The following RPRML variants were observed in gnomAD, a reference collection of about 807,000 sequenced individuals.
RPRML encodes reprimo like, also known as reprimo-like protein.
In RPRML, 4 loss-of-function variants were observed where a neutral mutation model predicts 5.2. The observed-to-expected ratio is 0.77, with a 90% CI of 0.38 to 1.76. RPRML has a LOEUF of 1.76. Ranked by LOEUF, RPRML falls within the 40% of genes most tolerant of loss-of-function variation. RPRML has a pLI of 0.04. For missense variants in RPRML, 181 were observed against 177.7 expected (o/e 1.02, Z -0.11); for synonymous variants, 79 against 89.1 (o/e 0.89, Z 0.64).
At position 46,978,817 on chromosome 17, in the gene RPRML, A is replaced by G; in HGVS notation, c.191T>C (p.Val64Ala). 6.2e-7 allele frequency: 1 copy of G among 1,609,370 alleles called. No homozygotes were observed. Among genetic ancestry groups the G allele is most frequent in the Non-Finnish European group, 8.5e-7 (1 of 1,178,514 alleles). The change falls in exon 1 of 1, where the codon GTG becomes GCG. Residue 64 changes from valine to alanine, a missense_variant. Transcript: ENST00000322329. ...CACGGCGATCTGCGCCACCCGCGAC[A>G]CCCACAGGCTGCGCTCGTCGGGCGC... Reference protein sequence around the residue: ...GLAPDERSLWVSRVAQIAVLC... With the variant: ...GLAPDERSLWASRVAQIAVLC...
In RPRML at chr17:46,978,945, G is replaced by C; in HGVS notation, c.63C>G (p.Ala21=). Residue 21 remains alanine, a synonymous_variant, in exon 1 of 1, where the codon GCC becomes GCG. Transcript: ENST00000322329. ...GGGTGCGGTTTCCCAGGGCGGCCCC[G>C]GCGCCGCCGCCCACGCCGTCCACCT... is the stretch of plus-strand genomic sequence containing the variant. ...LEEVDGVGGG[A]GAALGNRTHG... is the part of the protein sequence containing the mutation. 6.9e-7 allele frequency: 1 copy of C among 1,454,912 alleles called. No homozygotes were observed. Among genetic ancestry groups the C allele is most frequent in the Non-Finnish European group, 9.0e-7 (1 of 1,112,450 alleles). The allele number at this position is 1,454,912 out of a possible 1,614,324, so 90.1% of individuals were successfully genotyped here.
Position 46,979,151 on chromosome 17 carries a change from TGC to T in RPRML, c.-146_-145del. The T allele has an allele frequency of 1.1e-6, 1 of 911,486 alleles. No homozygotes were observed. The highest frequency in any genetic ancestry group is 1.5e-6 in the Non-Finnish European group (1 of 676,552). The allele number at this position is 911,486 out of a possible 1,614,324, so 56.5% of individuals were successfully genotyped here. A position where few individuals can be genotyped will look rare whatever the true frequency, so the allele number is the denominator to read the frequency against. ...GGACGAAGGCGGGAGGCTGGCTGCC[TGC>T]GCGCTCTCGGGCCGCCTACCCCTGG... On this transcript the variant is annotated 5_prime_UTR_variant, in exon 1 of 1. Coordinates refer to ENST00000322329, the MANE Select transcript of RPRML (RefSeq NM_203400.5).
rs994939215 is a variant in RPRML at position 46,978,846 on chromosome 17, C to G, written c.162G>C (p.Gly54=). The G allele has an allele frequency of 6.9e-6, 11 of 1,597,244 alleles. No homozygotes were observed. Among genetic ancestry groups the G allele is most frequent in the Non-Finnish European group, 9.4e-6 (11 of 1,173,562 alleles). Reference sequence around the variant, plus strand: ...ACAGGCTGCGCTCGTCGGGCGCCAGCCCCGCGGGGACCCCGTCGCTGGCGG... The same window carrying G: ...ACAGGCTGCGCTCGTCGGGCGCCAGGCCCGCGGGGACCCCGTCGCTGGCGG... ...PLAASDGVPA[G]LAPDERSLWV... Residue 54 remains glycine (G), a synonymous_variant, in exon 1 of 1, where the codon GGG becomes GGC. Coordinates refer to ENST00000322329, the MANE Select transcript of RPRML (RefSeq NM_203400.5).
Position 46,978,597 on chromosome 17 carries a change from C to T in RPRML, c.*48G>A. The T allele has an allele frequency of 2.0e-6, 3 of 1,535,356 alleles. No individual in the cohort carries two copies. The highest frequency in any genetic ancestry group is 2.6e-5 in the East Asian group (1 of 39,008). ...AGAGCGGGGCGAGGGTCCGGGTCTCCGGGGTCCTTCTTGCAGCAGCGCTGG... is the reference window on the plus strand; with the variant it reads ...AGAGCGGGGCGAGGGTCCGGGTCTCTGGGGTCCTTCTTGCAGCAGCGCTGG... On this transcript the variant is annotated 3_prime_UTR_variant, in exon 1 of 1. Coordinates refer to ENST00000322329, the MANE Select transcript of RPRML (RefSeq NM_203400.5).
chr17:46,978,636 A>T lies in RPRML; in HGVS notation c.*9T>A. Reference sequence around the variant, plus strand: ...CAGCAGCGCTGGCGAGGGCGGACCCAGATGGCGCTCAGTACAGCCCCAGGA... The same window carrying T: ...CAGCAGCGCTGGCGAGGGCGGACCCTGATGGCGCTCAGTACAGCCCCAGGA... On this transcript the variant is annotated 3_prime_UTR_variant, in exon 1 of 1. Transcript: ENST00000322329. The T allele has an allele frequency of 6.3e-7, 1 of 1,585,198 alleles. No individual in the cohort carries two copies. The highest frequency in any genetic ancestry group is 2.3e-5 in the East Asian group (1 of 42,656).
chr17:46,978,549 C>T lies in RPRML; in HGVS notation c.*96G>A. On this transcript the variant is annotated 3_prime_UTR_variant, in exon 1 of 1. Coordinates refer to ENST00000322329, the MANE Select transcript of RPRML (RefSeq NM_203400.5). ...GCGCCCCAGGCACGTAGCTGCCCGC[C>T]CGGAGGCGGCGGCAGAGCGCAGAGA... is the stretch of plus-strand genomic sequence containing the variant. 3 of 1,449,560 alleles carry T rather than the reference C, an allele frequency of 2.1e-6. No homozygotes were observed. The highest frequency in any genetic ancestry group is 2.7e-6 in the Non-Finnish European group (3 of 1,095,216). 89.8% of individuals were successfully genotyped at this position (1,449,560 alleles called of 1,614,324 possible).
Position 46,978,850 on chromosome 17 carries a change from G to A in RPRML, c.158C>T (p.Ala53Val). ...GCTGCGCTCGTCGGGCGCCAGCCCCGCGGGGACCCCGTCGCTGGCGGCCAG... is the reference window on the plus strand; with the variant it reads ...GCTGCGCTCGTCGGGCGCCAGCCCCACGGGGACCCCGTCGCTGGCGGCCAG... ...APLAASDGVPAGLAPDERSLW... is the reference protein window; with the variant it reads ...APLAASDGVPVGLAPDERSLW... The change falls in exon 1 of 1, where the codon GCG (alanine) becomes GTG (valine). Residue 53 changes from alanine to valine, a missense_variant. Ala to Val is a moderately conservative substitution (Grantham distance 64, BLOSUM62 0). Coordinates refer to ENST00000322329, the MANE Select transcript of RPRML (RefSeq NM_203400.5). 9 of 1,594,636 alleles carry A rather than the reference G, an allele frequency of 5.6e-6. No homozygotes were observed. The highest frequency in any genetic ancestry group is 1.7e-5 in the Admixed American group (1 of 57,494).
In RPRML at chr17:46,978,773, T is replaced by C; in HGVS notation, c.235A>G (p.Thr79Ala). The change falls in exon 1 of 1, where the codon ACC becomes GCC. Residue 79 changes from threonine (T) to alanine (A), a missense_variant. Thr to Ala is a moderately conservative substitution (Grantham distance 58). Coordinates refer to ENST00000322329, the MANE Select transcript of RPRML (RefSeq NM_203400.5). ...QIAVLCVLSLTVVFGVFFLGC... is the reference protein window; with the variant it reads ...QIAVLCVLSLAVVFGVFFLGC... The stretch of plus-strand genomic sequence containing the variant: ...AGGAAGAAGACGCCGAAGACCACGG[T>C]AAGCGACAGCACGCAGAGCACGGCG... 2 of 1,612,488 alleles carry C rather than the reference T, an allele frequency of 1.2e-6. No individual in the cohort carries two copies. Among genetic ancestry groups the C allele is most frequent in the South Asian group, 1.1e-5 (1 of 91,040 alleles).
At position 46,978,764 on chromosome 17, in the gene RPRML, A is replaced by G. The variant is rs1215063385; in HGVS notation, c.244T>C (p.Phe82Leu). The G allele has an allele frequency of 6.2e-7, 1 of 1,612,618 alleles. No individual in the cohort carries two copies. Residue 82 changes from phenylalanine to leucine, a missense_variant, in exon 1 of 1, where the codon TTC (phenylalanine) becomes CTC (leucine). Phe to Leu is a conservative substitution (Grantham distance 22). Coordinates refer to ENST00000322329, the MANE Select transcript of RPRML (RefSeq NM_203400.5). ...VLCVLSLTVV[F>L]GVFFLGCNLL... Reference sequence around the variant, plus strand: ...TTGCAGCCCAGGAAGAAGACGCCGAAGACCACGGTAAGCGACAGCACGCAG... The same window carrying G: ...TTGCAGCCCAGGAAGAAGACGCCGAGGACCACGGTAAGCGACAGCACGCAG...
chr17:46,978,759 G>T lies in RPRML; in HGVS notation c.249C>A (p.Gly83=), dbSNP rs1326613005. 1.2e-6 allele frequency: 2 copies of T among 1,612,660 alleles called. No homozygotes were observed. Among genetic ancestry groups the T allele is most frequent in the Non-Finnish European group, 1.7e-6 (2 of 1,179,566 alleles). Residue 83 remains glycine (G), a synonymous_variant, in exon 1 of 1, where the codon GGC becomes GGA. Coordinates refer to ENST00000322329, the MANE Select transcript of RPRML (RefSeq NM_203400.5). ...GCAGGTTGCAGCCCAGGAAGAAGAC[G>T]CCGAAGACCACGGTAAGCGACAGCA... is the stretch of plus-strand genomic sequence containing the variant. ...LCVLSLTVVF[G]VFFLGCNLLI... is the part of the protein sequence containing the mutation.
Position 46,979,148 on chromosome 17 carries a change from G to A in RPRML, c.-141C>T. 1.1e-6 allele frequency: 1 copy of A among 935,966 alleles called. No homozygotes were observed. Among genetic ancestry groups the A allele is most frequent in the Non-Finnish European group, 1.4e-6 (1 of 697,618 alleles). 58.0% of individuals were successfully genotyped at this position (935,966 alleles called of 1,614,324 possible). On this transcript the variant is annotated 5_prime_UTR_variant, in exon 1 of 1. Transcript: ENST00000322329. ...AGGGGACGAAGGCGGGAGGCTGGCTGCCTGCGCGCTCTCGGGCCGCCTACC... is the reference window on the plus strand; with the variant it reads ...AGGGGACGAAGGCGGGAGGCTGGCTACCTGCGCGCTCTCGGGCCGCCTACC...
Position 46,978,907 on chromosome 17 carries a change from G to A in RPRML, c.101C>T (p.Thr34Met). The A allele has an allele frequency of 6.8e-7, 1 of 1,475,254 alleles. No homozygotes were observed. Among genetic ancestry groups the A allele is most frequent in the Non-Finnish European group, 8.9e-7 (1 of 1,122,068 alleles). The allele number at this position is 1,475,254 out of a possible 1,614,324, so 91.4% of individuals were successfully genotyped here. A position where few individuals can be genotyped will look rare whatever the true frequency, so the allele number is the denominator to read the frequency against. ...ALGNRTHGLG[T>M]WLGCCPGGAP... is the part of the protein sequence containing the mutation. ...GCCCCCTGGACAGCAGCCCAGCCAC[G>A]TGCCCAGCCCGTGGGTGCGGTTTCC... The change falls in exon 1 of 1, where the codon ACG (threonine) becomes ATG (methionine). Residue 34 changes from threonine to methionine, a missense_variant. Physicochemically the swap from Thr to Met is moderately conservative, Grantham distance 81. Coordinates refer to ENST00000322329, the MANE Select transcript of RPRML (RefSeq NM_203400.5).
Position 46,978,589 on chromosome 17 carries a change from C to T in RPRML, c.*56G>A. 3 of 1,529,610 alleles carry T rather than the reference C, an allele frequency of 2.0e-6. No homozygotes were observed. The highest frequency in any genetic ancestry group is 2.1e-5 in the Admixed American group (1 of 48,478). The allele number at this position is 1,529,610 out of a possible 1,614,324, so 94.8% of individuals were successfully genotyped here. ...GAGCGCAGAGAGCGGGGCGAGGGTC[C>T]GGGTCTCCGGGGTCCTTCTTGCAGC... On this transcript the variant is annotated 3_prime_UTR_variant, in exon 1 of 1. Coordinates refer to ENST00000322329, the MANE Select transcript of RPRML (RefSeq NM_203400.5).
Position 46,978,727 on chromosome 17 carries a change from TTGA to T in RPRML, c.278_280del (p.Ile93del), listed in dbSNP as rs2091466601. Reference sequence around the variant, plus strand: ...CAGAAAGTTGATCATGCTCTCGGACTTGATGAGCAGGTTGCAGCCCAGGAAGAA... The same window carrying T: ...CAGAAAGTTGATCATGCTCTCGGACTTGAGCAGGTTGCAGCCCAGGAAGAA... On this transcript the variant is annotated inframe_deletion, in exon 1 of 1. Coordinates refer to ENST00000322329, the MANE Select transcript of RPRML (RefSeq NM_203400.5). 2 of 1,612,406 alleles carry T rather than the reference TTGA, an allele frequency of 1.2e-6. No individual in the cohort carries two copies. The highest frequency in any genetic ancestry group is 1.7e-6 in the Non-Finnish European group (2 of 1,179,474).
Position 46,978,946 on chromosome 17 carries a change from G to T in RPRML, c.62C>A (p.Ala21Asp). The T allele has an allele frequency of 6.9e-7, 1 of 1,455,304 alleles. No individual in the cohort carries two copies. Among genetic ancestry groups the T allele is most frequent in the Non-Finnish European group, 9.0e-7 (1 of 1,112,598 alleles). 90.1% of individuals were successfully genotyped at this position (1,455,304 alleles called of 1,614,324 possible). The change falls in exon 1 of 1, where the codon GCC (alanine) becomes GAC (aspartate). Residue 21 changes from alanine to aspartate, a missense_variant. By Grantham distance (126) the Ala-to-Asp change is moderately radical (BLOSUM62 -2). Coordinates refer to ENST00000322329, the MANE Select transcript of RPRML (RefSeq NM_203400.5). The stretch of plus-strand genomic sequence containing the variant: ...GGTGCGGTTTCCCAGGGCGGCCCCG[G>T]CGCCGCCGCCCACGCCGTCCACCTC... Reference protein sequence around the residue: ...LEEVDGVGGGAGAALGNRTHG... With the variant: ...LEEVDGVGGGDGAALGNRTHG...
chr17:46,978,972 C>T lies in RPRML; in HGVS notation c.36G>A (p.Glu12=). ...NATFLNHSGL[E]EVDGVGGGAG... ...CGCCGCCGCCCACGCCGTCCACCTC[C>T]TCCAAGCCGCTGTGGTTCAGGAAGG... The change falls in exon 1 of 1, where the codon GAG becomes GAA. Residue 12 remains glutamate, a synonymous_variant. Coordinates refer to ENST00000322329, the MANE Select transcript of RPRML (RefSeq NM_203400.5). 1 of 1,448,908 alleles carries T rather than the reference C, an allele frequency of 6.9e-7. No individual in the cohort carries two copies. Among genetic ancestry groups the T allele is most frequent in the Middle Eastern group, 2.3e-4 (1 of 4,286 alleles). 89.8% of individuals were successfully genotyped at this position (1,448,908 alleles called of 1,614,324 possible). A position where few individuals can be genotyped will look rare whatever the true frequency, so the allele number is the denominator to read the frequency against.
Position 46,978,221 on chromosome 17 carries a change from A to T in RPRML, c.*424T>A. The T allele has an allele frequency of 5.1e-6, 1 of 197,036 alleles. No homozygotes were observed. Among genetic ancestry groups the T allele is most frequent in the Non-Finnish European group, 1.0e-5 (1 of 99,330 alleles). The allele number at this position is 197,036 out of a possible 1,614,324, so 12.2% of individuals were successfully genotyped here. On this transcript the variant is annotated 3_prime_UTR_variant, in exon 1 of 1. Coordinates refer to ENST00000322329, the MANE Select transcript of RPRML (RefSeq NM_203400.5). ...AAGATTTCTTTCCAAACGCAAGATC[A>T]GGCCAACAAGCTCAGCGACTCTGAC...
chr17:46,979,093 A>T lies in RPRML; in HGVS notation c.-86T>A. On this transcript the variant is annotated 5_prime_UTR_variant, in exon 1 of 1. Transcript: ENST00000322329. ...GTCCGCGCTCTCAGGGACGCTCCGG[A>T]CCCCTCGGACCGGCTCCTGCGGTAC... 1 of 1,234,890 alleles carries T rather than the reference A, an allele frequency of 8.1e-7. No individual in the cohort carries two copies. Among genetic ancestry groups the T allele is most frequent in the South Asian group, 2.5e-5 (1 of 39,640 alleles). The allele number at this position is 1,234,890 out of a possible 1,614,324, so 76.5% of individuals were successfully genotyped here. A position where few individuals can be genotyped will look rare whatever the true frequency, so the allele number is the denominator to read the frequency against.
chr17:46,978,367 C>T lies in RPRML; in HGVS notation c.*278G>A, dbSNP rs1327392530. The T allele has an allele frequency of 2.2e-6, 1 of 451,100 alleles. No individual in the cohort carries two copies. The highest frequency in any genetic ancestry group is 4.1e-5 in the East Asian group (1 of 24,144). The allele number at this position is 451,100 out of a possible 1,614,324, so 27.9% of individuals were successfully genotyped here. The stretch of plus-strand genomic sequence containing the variant: ...ATCTCCATACCCACTCCCACCCTGC[C>T]CCGAACGTCTTAAAAAACAAACAAA... On this transcript the variant is annotated 3_prime_UTR_variant, in exon 1 of 1. Coordinates refer to ENST00000322329, the MANE Select transcript of RPRML (RefSeq NM_203400.5).
Sources: allele counts gnomAD v4.1 joint callset, GRCh38; gene constraint gnomAD v4.1.1; transcripts MANE v1.5; gene names NCBI Gene and HGNC (gene_info 2026-07-23, HGNC 2026-07-21).